The following HS6ST3 variants were observed in gnomAD, a reference collection of about 807,000 sequenced individuals.
HS6ST3 encodes the protein heparan sulfate 6-O-sulfotransferase 3.
A neutral mutation model predicts 36.7 loss-of-function variants in HS6ST3; 12 were observed. The ratio of observed to expected loss-of-function variants is 0.33; its 90% CI spans 0.21 to 0.53. HS6ST3 has a LOEUF of 0.53. Ranked by LOEUF, HS6ST3 falls within the 20% of genes least tolerant of loss-of-function variation. The pLI is 0.95. For synonymous variants in HS6ST3, 240 were observed against 257.5 expected (o/e 0.93, Z 0.65); for missense variants, 584 against 640.9 (o/e 0.91, Z 0.96).
intron 1 of HS6ST3, among the ~76,000 whole-genome samples, chr13:96,269,627 A>G (rs2054709876): frequency 6.6e-6 from 1 of 151,996 alleles, no homozygotes; most frequent in Admixed American, 6.6e-5. Flanking sequence ...AACTGACTTA[A>G]TAATATCAGG....
intron 1 of HS6ST3, among the ~76,000 whole-genome samples, chr13:96,609,029 G>T (rs2138987355): frequency 6.6e-6 from 1 of 152,070 alleles, no homozygotes; most frequent in Admixed American, 6.5e-5. Context: ...GAGTGCAGTG[G>T]CACGATCTCA....
chr13:96,311,155 A>G (rs2054939273), intron 1 of HS6ST3, among the ~76,000 whole-genome samples: 1 of 152,230 alleles, frequency 6.6e-6, no homozygotes, highest in Non-Finnish European at 1.5e-5. Context: ...TACCACATTT[A>G]TGAAAAGAAT....
At chr13:96,419,604 T>C (rs1490138188) in intron 1 of HS6ST3, among the ~76,000 whole-genome samples, 1 of 152,172 alleles carries the variant, frequency 6.6e-6, no homozygotes, top group African/African-American at 2.4e-5. Context: ...CTGGGTGGCC[T>C]AAAACAACAG....
intron 1 of HS6ST3, among the ~76,000 whole-genome samples, chr13:96,362,983 C>T (rs1224775708): frequency 3.3e-5 from 5 of 151,966 alleles, no homozygotes; most frequent in Non-Finnish European, 5.9e-5. Context: ...AGAAATAGAG[C>T]ATGGATCAGA....
chr13:96,430,939 G>C (rs1171370393), intron 1 of HS6ST3, among the ~76,000 whole-genome samples: 1 of 152,112 alleles, frequency 6.6e-6, no homozygotes, highest in Non-Finnish European at 1.5e-5. Flanking sequence ...GCTTGGTGCA[G>C]TGGCTCATGT....
intron 1 of HS6ST3, among the ~76,000 whole-genome samples, chr13:96,417,710 G>C (rs910272739): frequency 4.1e-5 from 4 of 97,496 alleles, no homozygotes; most frequent in African/African-American, 8.1e-5. Flanking sequence ...TTATATGTAC[G>C]TATCTGTATA....
intron 1 of HS6ST3, among the ~76,000 whole-genome samples, chr13:96,820,096 A>G (rs914445196): frequency 8.5e-5 from 13 of 152,070 alleles, no homozygotes; most frequent in Non-Finnish European, 1.6e-4. Flanking sequence ...AAAAAAAAAG[A>G]AAAATGCTTG....
intron 1 of HS6ST3, among the ~76,000 whole-genome samples, chr13:96,538,272 G>T (rs1312251519): frequency 6.6e-6 from 1 of 152,220 alleles, no homozygotes; most frequent in Non-Finnish European, 1.5e-5. Context: ...TATGCAGTAA[G>T]TCCAATCATA....
intron 1 of HS6ST3, among the ~76,000 whole-genome samples, chr13:96,428,809 G>T (rs1217082767): frequency 6.6e-6 from 1 of 152,108 alleles, no homozygotes; most frequent in Non-Finnish European, 1.5e-5. Context: ...AATAGAAGCA[G>T]CTTCTTGGCA....
At chr13:96,360,370 G>A (rs1313217048) in intron 1 of HS6ST3, among the ~76,000 whole-genome samples, 1 of 152,000 alleles carries the variant, frequency 6.6e-6, no homozygotes, top group African/African-American at 2.4e-5. Context: ...ACAGAACAAA[G>A]GAAATTAATA....
intron 1 of HS6ST3, among the ~76,000 whole-genome samples, chr13:96,461,246 A>G (rs571987172): frequency 4.6e-5 from 7 of 152,308 alleles, no homozygotes; most frequent in Non-Finnish European, 8.8e-5. Flanking sequence ...TGGGAATGAG[A>G]AGATGTATAA....
chr13:96,092,808 T>C (rs1373530255), intron 1 of HS6ST3, among the ~76,000 whole-genome samples: 1 of 152,240 alleles, frequency 6.6e-6, no homozygotes, highest in Non-Finnish European at 1.5e-5. Context: ...TTTTTTACTC[T>C]GGCAATTCTT....
At chr13:96,788,066 T>G (rs1877695053) in intron 1 of HS6ST3, among the ~76,000 whole-genome samples, 1 of 151,966 alleles carries the variant, frequency 6.6e-6, no homozygotes, top group Non-Finnish European at 1.5e-5. Flanking sequence ...TGAACATACT[T>G]GTGCAGATCT....
At chr13:96,789,940 T>C (rs1217306740) in intron 1 of HS6ST3, among the ~76,000 whole-genome samples, 2 of 151,908 alleles carry the variant, frequency 1.3e-5, no homozygotes, top group Non-Finnish European at 2.9e-5. Flanking sequence ...TTCTTAAATC[T>C]GTAAGTTTGT....
At chr13:96,194,240 A>G (rs1029631021) in intron 1 of HS6ST3, among the ~76,000 whole-genome samples, 4 of 152,150 alleles carry the variant, frequency 2.6e-5, no homozygotes, top group African/African-American at 9.7e-5. Flanking sequence ...TAGGAAATGC[A>G]TTGTGTCTGC....
intron 1 of HS6ST3, among the ~76,000 whole-genome samples, chr13:96,451,721 T>C (rs1375537532): frequency 1.3e-5 from 2 of 152,224 alleles, no homozygotes; most frequent in African/African-American, 4.8e-5. Flanking sequence ...AGACTGCTTG[T>C]ACGCTGCAAA....
At chr13:96,553,320 G>A (rs1219240065) in intron 1 of HS6ST3, among the ~76,000 whole-genome samples, 2 of 152,204 alleles carry the variant, frequency 1.3e-5, no homozygotes, top group Non-Finnish European at 2.9e-5. Flanking sequence ...AGTGGTCAAT[G>A]AGTCAGAGTC....
At chr13:96,290,598 C>T (rs1228163116) in intron 1 of HS6ST3, among the ~76,000 whole-genome samples, 2 of 152,068 alleles carry the variant, frequency 1.3e-5, no homozygotes, top group Admixed American at 6.6e-5. Flanking sequence ...TGATCTCTTG[C>T]CTGCATTAGG....
At chr13:96,207,006 A>G (rs1185652271) in intron 1 of HS6ST3, among the ~76,000 whole-genome samples, 1 of 152,192 alleles carries the variant, frequency 6.6e-6, no homozygotes, top group Non-Finnish European at 1.5e-5. Flanking sequence ...ATAAACTATA[A>G]TGAGAGTGAA....
Sources: gnomAD v4.1 joint callset for allele counts (sites outside exome capture counted in the v4.1 genomes callset) on GRCh38, gnomAD v4.1.1 for gene constraint, MANE v1.5 for transcripts, NCBI Gene and HGNC (gene_info 2026-07-23, HGNC 2026-07-21) for gene names.